PRKG1: variants seen among roughly 807,000 people sequenced by gnomAD.
PRKG1 encodes the protein protein kinase cGMP-dependent 1, also known as cGMP-dependent protein kinase 1.
PRKG1 carries 35 observed loss-of-function variants against 88.1 expected under a neutral mutation model. The ratio of observed to expected loss-of-function variants is 0.40; its 90% CI spans 0.30 to 0.53. PRKG1 has a LOEUF of 0.53. Among genes scored for constraint, PRKG1 ranks in the 20% least tolerant of loss-of-function variants. The probability of loss-of-function intolerance (pLI) is 0.59; values close to 1 mark genes in which losing one functional copy is unlikely to be tolerated. For synonymous variants in PRKG1, 303 were observed against 292.5 expected, an observed-to-expected ratio of 1.04 and a Z score of -0.37; for missense variants, 540 against 839.8, an observed-to-expected ratio of 0.64 and a Z score of 4.41.
chr10:51,681,173 T>C (rs993629506), intron 3 of PRKG1, among the ~76,000 whole-genome samples: 1 of 152,200 alleles, frequency 6.6e-6, no homozygotes, highest in Non-Finnish European at 1.5e-5. Flanking sequence ...TTGCAATGAA[T>C]TAATTAAATT....
At chr10:51,946,247 C>T (rs868751649) in intron 5 of PRKG1, among the ~76,000 whole-genome samples, 10 of 152,050 alleles carry the variant, frequency 6.6e-5, no homozygotes, top group African/African-American at 9.7e-5. Context: ...TCCAGTTGAT[C>T]GCATCGGCTC....
intron 2 of PRKG1, among the ~76,000 whole-genome samples, chr10:51,307,875 C>T (rs1214998703): frequency 2.6e-5 from 4 of 151,986 alleles, no homozygotes; most frequent in African/African-American, 9.7e-5. Flanking sequence ...GAAGAGATTC[C>T]CTGAGAAAGA....
intron 2 of PRKG1, among the ~76,000 whole-genome samples, chr10:51,284,865 C>CTTTTTTTTTTTTTTTTTTTTTTTAGTTTT (rs5784867): frequency 1.9e-5 from 1 of 51,698 alleles, no homozygotes; most frequent in Non-Finnish European, 3.6e-5. Flanking sequence ...GTTGTGGGTA[C>CTTTTTTTTTTTTTTTTTTTTTTTAGTTTT]TTTTTTTTTT....
At chr10:50,996,646 C>T (rs2132710718) in intron 1 of PRKG1, among the ~76,000 whole-genome samples, 2 of 152,310 alleles carry the variant, frequency 1.3e-5, no homozygotes, top group Middle Eastern at 6.8e-3. Context: ...TGCTGTGTTA[C>T]AGGCAGGGCA....
chr10:51,784,436 C>G (rs1398165555), intron 3 of PRKG1, among the ~76,000 whole-genome samples: 1 of 152,138 alleles, frequency 6.6e-6, no homozygotes, highest in Non-Finnish European at 1.5e-5. Context: ...CGTTGGTCAT[C>G]TCTTTCAAAG....
chr10:52,075,289 A>G (rs773713049), intron 7 of PRKG1, among the ~76,000 whole-genome samples: 1 of 152,232 alleles, frequency 6.6e-6, no homozygotes, highest in Non-Finnish European at 1.5e-5. Context: ...TATTACGTTC[A>G]TACGTTGTAA....
intron 4 of PRKG1, among the ~76,000 whole-genome samples, chr10:51,841,729 C>G (rs1024377403): frequency 4.6e-5 from 7 of 152,046 alleles, no homozygotes; most frequent in African/African-American, 1.4e-4. Flanking sequence ...GTCACCCAGA[C>G]TGGAGTGCAG....
chr10:51,309,553 A>G (rs561286772), intron 2 of PRKG1, among the ~76,000 whole-genome samples: 9 of 152,368 alleles, frequency 5.9e-5, no homozygotes, highest in South Asian at 2.1e-4. Context: ...TTAGCATCTT[A>G]TACCAGTTAG....
intron 3 of PRKG1, among the ~76,000 whole-genome samples, chr10:51,766,586 ACCTG>A (rs1004678343): frequency 1.4e-4 from 22 of 152,170 alleles, no homozygotes; most frequent in African/African-American, 5.3e-4. Context: ...CACACTAACC[ACCTG>A]CCTGACAGGT....
intron 2 of PRKG1, among the ~76,000 whole-genome samples, chr10:51,262,184 C>A (rs1263209350): frequency 2.6e-5 from 4 of 152,000 alleles, no homozygotes; most frequent in Non-Finnish European, 5.9e-5. Flanking sequence ...CTGTGCCCGG[C>A]CAGGACTTTC....
intron 5 of PRKG1, among the ~76,000 whole-genome samples, chr10:51,926,943 C>T (rs1361069162): frequency 1.3e-5 from 2 of 151,970 alleles, no homozygotes; most frequent in African/African-American, 4.8e-5. Context: ...TGCAGCCTGG[C>T]AAATGTTGGA....
At chr10:51,380,422 TTTTTGTTTCTA>T (rs1203429766) in intron 2 of PRKG1, among the ~76,000 whole-genome samples, 13 of 152,158 alleles carry the variant, frequency 8.5e-5, no homozygotes, top group African/African-American at 1.2e-4. Context: ...AAAAGAGATT[TTTTTGTTTCTA>T]TTTTGTTTAT....
chr10:51,228,268 C>T (rs544403315), intron 2 of PRKG1, among the ~76,000 whole-genome samples: 8 of 152,250 alleles, frequency 5.3e-5, no homozygotes, highest in African/African-American at 1.7e-4. Context: ...TGTAGGAAAG[C>T]CTTACTGCTT....
intron 5 of PRKG1, among the ~76,000 whole-genome samples, chr10:51,927,196 G>A (rs1200646213): frequency 6.6e-6 from 1 of 152,152 alleles, no homozygotes; most frequent in Non-Finnish European, 1.5e-5. Context: ...GACCTGGTGG[G>A]AGATAATTGA....
upstream of PRKG1, chr10:51,074,278 G>T (rs75366176): frequency 8.6e-3 from 2,429 of 281,260 alleles, 61 homozygotes; most frequent in African/African-American, 0.049. Flanking sequence ...CCGCCACCGC[G>T]CCTCCGACTC....
At chr10:51,864,252 T>C (rs1387133987) in intron 4 of PRKG1, among the ~76,000 whole-genome samples, 1 of 152,228 alleles carries the variant, frequency 6.6e-6, no homozygotes, top group Non-Finnish European at 1.5e-5. Flanking sequence ...GAGTGTGCTA[T>C]AATAGGCTGC....
At chr10:51,964,538 T>C (rs1443113500) in intron 5 of PRKG1, among the ~76,000 whole-genome samples, 2 of 152,164 alleles carry the variant, frequency 1.3e-5, no homozygotes, top group Admixed American at 6.5e-5. Flanking sequence ...CTTACAAAAT[T>C]AAGAGATTTA....
At chr10:51,452,408 T>A (rs1839462923) in intron 2 of PRKG1, among the ~76,000 whole-genome samples, 1 of 151,972 alleles carries the variant, frequency 6.6e-6, no homozygotes, top group Non-Finnish European at 1.5e-5. Context: ...CCCCATTCAG[T>A]GTGGTGTTGG....
chr10:51,444,337 G>A (rs1485012786), intron 2 of PRKG1, among the ~76,000 whole-genome samples: 1 of 151,702 alleles, frequency 6.6e-6, no homozygotes, highest in African/African-American at 2.4e-5. Flanking sequence ...TGGAGGAATG[G>A]AGAATGAAAT....
Sources: gnomAD v4.1 joint callset for allele counts (sites outside exome capture counted in the v4.1 genomes callset) on GRCh38, gnomAD v4.1.1 for gene constraint, MANE v1.5 for transcripts, NCBI Gene and HGNC (gene_info 2026-07-23, HGNC 2026-07-21) for gene names.